Variants in VPS13B observed in about 807,000 individuals in gnomAD.
VPS13B encodes the protein intermembrane lipid transfer protein VPS13B.
A neutral mutation model predicts 426.4 loss-of-function variants in VPS13B; 285 were observed. The ratio of observed to expected loss-of-function variants is 0.67; its 90% confidence interval spans 0.61 to 0.74. The LOEUF is 0.74. Among genes scored for constraint, VPS13B ranks in the 30% least tolerant of loss-of-function variants. The probability of loss-of-function intolerance (pLI) is 0.00; values close to 1 mark genes in which losing one functional copy is unlikely to be tolerated. For synonymous variants in VPS13B, 1,676 were observed against 1,676.4 expected, an observed-to-expected ratio of 1.00 and a Z score of 0.01; for missense variants, 4,537 against 4,782.6, an observed-to-expected ratio of 0.95 and a Z score of 1.51.
intron 21 of VPS13B, among the ~76,000 whole-genome samples, chr8:99,420,937 T>C (rs998313234): frequency 6.6e-6 from 1 of 152,180 alleles, no homozygotes; most frequent in Admixed American, 6.5e-5. Flanking sequence ...ACATAATCAA[T>C]GATTAGTTAA....
Position 99,853,611 on chromosome 8 carries a change from G to T in VPS13B, c.10222G>T (p.Glu3408Ter), listed in dbSNP as rs1242277905. ...VAPGAGPLPG[E>*]EPVAALFELY... Reference sequence around the variant, plus strand: ...CCCGGGAGCTGGTCCCCTCCCTGGGGAAGAGCCTGTGGCTGCGTTGTTTGA... The same window carrying T: ...CCCGGGAGCTGGTCCCCTCCCTGGGTAAGAGCCTGTGGCTGCGTTGTTTGA... Residue 3408 changes from glutamate (E) to a stop codon, truncating the protein, a stop_gained, in exon 56 of 62, where the codon GAA (glutamate) becomes TAA (stop). Coordinates refer to ENST00000357162, the MANE Select transcript of VPS13B (RefSeq NM_152564.5). LOFTEE classifies it high-confidence loss of function. The T allele has an allele frequency of 6.2e-7, 1 of 1,614,168 alleles. No individual in the cohort carries two copies. The highest frequency in any genetic ancestry group is 1.1e-5 in the South Asian group (1 of 91,082).
chr8:99,109,036 T>G (rs751943075), intron 5 of VPS13B, among the ~76,000 whole-genome samples: 1 of 152,142 alleles, frequency 6.6e-6, no homozygotes, highest in Non-Finnish European at 1.5e-5. Context: ...TCTCTATTTC[T>G]TTGAATAAGC....
intron 21 of VPS13B, among the ~76,000 whole-genome samples, chr8:99,401,193 A>C (rs925245028): frequency 6.6e-6 from 1 of 152,208 alleles, no homozygotes; most frequent in African/African-American, 2.4e-5. Context: ...GTTTGCTGAC[A>C]TAAGGCTAGT....
intron 3 of VPS13B, among the ~76,000 whole-genome samples, chr8:99,073,072 A>C (rs1844927991): frequency 2.6e-5 from 4 of 152,128 alleles, no homozygotes; most frequent in African/African-American, 9.7e-5. Context: ...CCAGGCAGCA[A>C]GACAAAGTCC....
chr8:99,818,126 C>T (rs1814149947), intron 45 of VPS13B, among the ~76,000 whole-genome samples: 1 of 152,148 alleles, frequency 6.6e-6, no homozygotes, highest in Non-Finnish European at 1.5e-5. Flanking sequence ...TTATGATGGT[C>T]TGTTACTTTA....
At chr8:99,321,187 A>G (rs1451977208) in intron 19 of VPS13B, among the ~76,000 whole-genome samples, 1 of 149,560 alleles carries the variant, frequency 6.7e-6, no homozygotes, top group Non-Finnish European at 1.5e-5. Context: ...TTTTACTCAC[A>G]ATTTTCTTTC....
intron 19 of VPS13B, among the ~76,000 whole-genome samples, chr8:99,338,646 A>T (rs1811063548): frequency 6.6e-6 from 1 of 152,166 alleles, no homozygotes; most frequent in Admixed American, 6.5e-5. Flanking sequence ...TAATGAAAAC[A>T]ATGTCAGATT....
intron 19 of VPS13B, among the ~76,000 whole-genome samples, chr8:99,283,222 A>T (rs545738852): frequency 1.3e-5 from 2 of 152,242 alleles, no homozygotes; most frequent in Middle Eastern, 3.2e-3. Context: ...GACAGAACAT[A>T]TGAGTAAGAA....
Position 99,135,395 on chromosome 8 carries a change from C to A in VPS13B, c.1426-201C>A, listed in dbSNP as rs547263006. Among the ~76,000 whole-genome samples the A allele has an allele frequency of 2.0e-5, 3 of 152,028 alleles. No homozygotes were observed. In the South Asian group the frequency reaches 6.2e-4, roughly 32 times the overall value. On this transcript the variant is annotated intron_variant, in intron 10 of 61. Transcript: ENST00000357162. ...AATCTTTCTTCTTTTTTGTTCATGG[C>A]AGTTATTTGGAGTTTCCTTTTGGTT...
At chr8:99,624,593 A>T (rs1239371954) in intron 33 of VPS13B, among the ~76,000 whole-genome samples, 1 of 152,156 alleles carries the variant, frequency 6.6e-6, no homozygotes, top group African/African-American at 2.4e-5. Context: ...GCCTTGAGTC[A>T]CTGTCCCACT....
chr8:99,527,426 C>T (rs958927532), intron 30 of VPS13B, among the ~76,000 whole-genome samples: 1 of 152,060 alleles, frequency 6.6e-6, no homozygotes, highest in African/African-American at 2.4e-5. Context: ...AACCCTTTAC[C>T]TTCTTTACTT....
chr8:99,352,240 G>A (rs1588282824), intron 19 of VPS13B, among the ~76,000 whole-genome samples: 1 of 152,278 alleles, frequency 6.6e-6, no homozygotes, highest in East Asian at 1.9e-4. Context: ...CCCCTTGAGT[G>A]ATTTTGTTTC....
intron 40 of VPS13B, among the ~76,000 whole-genome samples, chr8:99,771,473 T>G (rs1052591334): frequency 6.6e-6 from 1 of 152,204 alleles, no homozygotes; most frequent in Non-Finnish European, 1.5e-5. Flanking sequence ...TTCTTCCTAC[T>G]CCCTTAAGGT....
intron 21 of VPS13B, among the ~76,000 whole-genome samples, chr8:99,421,516 C>T (rs1816372329): frequency 6.6e-6 from 1 of 152,052 alleles, no homozygotes; most frequent in South Asian, 2.1e-4. Context: ...AGGATGGACC[C>T]TGGAACCAGT....
chr8:99,679,255 T>A (rs1326588983), intron 35 of VPS13B, among the ~76,000 whole-genome samples: 1 of 152,194 alleles, frequency 6.6e-6, no homozygotes, highest in Non-Finnish European at 1.5e-5. Context: ...AGGATGAGTA[T>A]ATGCCATCAT....
At chr8:99,197,821 A>G (rs1228884013) in intron 17 of VPS13B, among the ~76,000 whole-genome samples, 1 of 152,022 alleles carries the variant, frequency 6.6e-6, no homozygotes, top group Non-Finnish European at 1.5e-5. Context: ...TTCATCTTTT[A>G]CCTGTTGGTA....
intron 30 of VPS13B, among the ~76,000 whole-genome samples, chr8:99,547,463 G>T (rs2133744931): frequency 6.6e-6 from 1 of 151,892 alleles, no homozygotes; most frequent in Non-Finnish European, 1.5e-5. Flanking sequence ...AACATTTTGT[G>T]GATCTCAATT....
At chr8:99,389,392 G>A (rs992528467) in intron 20 of VPS13B, among the ~76,000 whole-genome samples, 8 of 151,982 alleles carry the variant, frequency 5.3e-5, no homozygotes, top group Non-Finnish European at 1.0e-4. Flanking sequence ...GCAAGGGCTA[G>A]GGACACCAAC....
chr8:99,085,856 C>T (rs936581709), intron 3 of VPS13B, among the ~76,000 whole-genome samples: 3 of 152,186 alleles, frequency 2.0e-5, no homozygotes, highest in Admixed American at 1.3e-4. Flanking sequence ...GGTAACCCGA[C>T]CTTTCTTTCT....
Sources: gnomAD v4.1 joint callset for allele counts (sites outside exome capture counted in the v4.1 genomes callset) on GRCh38, gnomAD v4.1.1 for gene constraint, MANE v1.5 for transcripts, NCBI Gene and HGNC (gene_info 2026-07-23, HGNC 2026-07-21) for gene names.